Variants in DNAJC1 observed in about 807,000 individuals in gnomAD.
DNAJC1 encodes DnaJ heat shock protein family (Hsp40) member C1, also known as dnaJ homolog subfamily C member 1.
In DNAJC1, 58 loss-of-function variants were observed where a neutral mutation model predicts 76.6. The ratio of observed to expected loss-of-function variants is 0.76; its 90% confidence interval spans 0.61 to 0.94. DNAJC1 has a LOEUF of 0.94. Ranked by LOEUF, DNAJC1 falls within the 40% of genes least tolerant of loss-of-function variation. The probability of loss-of-function intolerance (pLI) is 0.00; values close to 1 mark genes in which losing one functional copy is unlikely to be tolerated. For synonymous variants in DNAJC1, 258 were observed against 267.9 expected (o/e 0.96, Z 0.36); for missense variants, 689 against 677.3 (o/e 1.02, Z -0.19).
chr10:21,909,844 C>T (rs1221960181), intron 6 of DNAJC1, among the ~76,000 whole-genome samples: 1 of 152,180 alleles, frequency 6.6e-6, no homozygotes, highest in Non-Finnish European at 1.5e-5. Flanking sequence ...GCTCTGAGCT[C>T]CTGAATGGTT....
intron 11 of DNAJC1, among the ~76,000 whole-genome samples, chr10:21,758,587 G>A (rs912845948): frequency 6.6e-6 from 1 of 152,222 alleles, no homozygotes; most frequent in African/African-American, 2.4e-5. Flanking sequence ...CCTAGCTGTC[G>A]CCTGGCACTG....
intron 8 of DNAJC1, among the ~76,000 whole-genome samples, chr10:21,832,051 A>G (rs1448774115): frequency 1.3e-5 from 2 of 152,214 alleles, no homozygotes; most frequent in African/African-American, 4.8e-5. Context: ...GAAGTAGAAC[A>G]AGCAATGACA....
intron 8 of DNAJC1, among the ~76,000 whole-genome samples, chr10:21,812,608 C>G (rs1834986359): frequency 1.3e-5 from 2 of 151,826 alleles, no homozygotes; most frequent in Non-Finnish European, 1.5e-5. Context: ...TGCTCTGTTG[C>G]CCAGGCTGGA....
At chr10:21,781,138 T>C (rs1589977705) in intron 9 of DNAJC1, among the ~76,000 whole-genome samples, 2 of 152,078 alleles carry the variant, frequency 1.3e-5, no homozygotes, top group East Asian at 3.9e-4. Flanking sequence ...TGACACACAA[T>C]AGTAATGGGA....
intron 1 of DNAJC1, chr10:21,933,082 A>G (rs564651789): frequency 2.0e-5 from 3 of 152,372 alleles, no homozygotes; most frequent in African/African-American, 7.2e-5. Context: ...AAAATTAAAA[A>G]GTTCATCAAG....
At chr10:21,828,251 T>C (rs1383325974) in intron 8 of DNAJC1, among the ~76,000 whole-genome samples, 2 of 152,224 alleles carry the variant, frequency 1.3e-5, no homozygotes, top group Non-Finnish European at 2.9e-5. Flanking sequence ...AGATCACTTA[T>C]ATCCCATGTG....
intron 1 of DNAJC1, among the ~76,000 whole-genome samples, chr10:21,953,127 T>C (rs895839573): frequency 6.6e-6 from 1 of 152,088 alleles, no homozygotes; most frequent in Non-Finnish European, 1.5e-5. Context: ...AGAACATATA[T>C]ATTCTTTAAA....
chr10:21,953,963 A>G (rs527432844), intron 1 of DNAJC1, among the ~76,000 whole-genome samples: 165 of 152,010 alleles, frequency 1.1e-3, no homozygotes, highest in African/African-American at 3.9e-3. Flanking sequence ...ATCAAATTAT[A>G]TAAAAAAGTT....
intron 10 of DNAJC1, among the ~76,000 whole-genome samples, chr10:21,761,583 TAA>T (rs1437935412): frequency 6.6e-6 from 1 of 151,812 alleles, no homozygotes; most frequent in Non-Finnish European, 1.5e-5. Context: ...ATATAATTTT[TAA>T]AAATATAAAA....
chr10:21,771,535 G>C (rs533162784), intron 9 of DNAJC1, among the ~76,000 whole-genome samples: 1 of 151,816 alleles, frequency 6.6e-6, no homozygotes, highest in Non-Finnish European at 1.5e-5. Flanking sequence ...GTCTCGCTCT[G>C]TTGCCCAGGC....
chr10:21,813,094 C>CATATATATATAT (rs1451322364), intron 8 of DNAJC1, among the ~76,000 whole-genome samples: 15 of 66,742 alleles, frequency 2.2e-4, no homozygotes, highest in Admixed American at 3.0e-4. Flanking sequence ...TATACACACA[C>CATATATATATAT]ACATATATAT....
At chr10:21,836,654 C>CA (rs1564802944) in intron 8 of DNAJC1, among the ~76,000 whole-genome samples, 2 of 151,484 alleles carry the variant, frequency 1.3e-5, no homozygotes, top group Admixed American at 6.6e-5. Flanking sequence ...AAATGGAAAA[C>CA]AAAAAAAGGC....
intron 1 of DNAJC1, among the ~76,000 whole-genome samples, chr10:21,986,586 T>A (rs1433312546): frequency 2.0e-5 from 3 of 152,150 alleles, no homozygotes; most frequent in Non-Finnish European, 4.4e-5. Flanking sequence ...TTATTCTCTA[T>A]CTGGGATGAT....
At chr10:21,892,539 C>T (rs1017121228) in intron 7 of DNAJC1, among the ~76,000 whole-genome samples, 1 of 151,716 alleles carries the variant, frequency 6.6e-6, no homozygotes, top group Non-Finnish European at 1.5e-5. Context: ...TAAATATAAA[C>T]AGTTTAAATA....
chr10:21,846,258 T>C (rs918783321), intron 8 of DNAJC1, among the ~76,000 whole-genome samples: 2 of 152,180 alleles, frequency 1.3e-5, no homozygotes, highest in Non-Finnish European at 2.9e-5. Flanking sequence ...AAACAAACAT[T>C]AACCGCTATT....
At chr10:21,991,392 C>A (rs1034135723) in intron 1 of DNAJC1, among the ~76,000 whole-genome samples, 1 of 152,166 alleles carries the variant, frequency 6.6e-6, no homozygotes, top group East Asian at 1.9e-4. Context: ...CAAGCCTATG[C>A]ATGGAAGTTC....
intron 9 of DNAJC1, among the ~76,000 whole-genome samples, chr10:21,776,897 A>G (rs1432431911): frequency 6.6e-6 from 1 of 152,254 alleles, no homozygotes; most frequent in Non-Finnish European, 1.5e-5. Flanking sequence ...CCGTAACAAC[A>G]TAACACATAT....
intron 1 of DNAJC1, among the ~76,000 whole-genome samples, chr10:22,002,747 AATAAG>A (rs1391865617): frequency 2.0e-5 from 3 of 152,174 alleles, no homozygotes; most frequent in Non-Finnish European, 4.4e-5. Context: ...AGGCAGCTGA[AATAAG>A]AATAAGGATG....
intron 6 of DNAJC1, among the ~76,000 whole-genome samples, chr10:21,904,915 T>C (rs1163618909): frequency 3.9e-5 from 6 of 152,090 alleles, no homozygotes; most frequent in African/African-American, 1.2e-4. Context: ...CTGTTGCATA[T>C]ACAGAGAGCA....
Sources: gnomAD v4.1 joint callset for allele counts (sites outside exome capture counted in the v4.1 genomes callset) on GRCh38, gnomAD v4.1.1 for gene constraint, MANE v1.5 for transcripts, NCBI Gene and HGNC (gene_info 2026-07-23, HGNC 2026-07-21) for gene names.